Variants in RGL1 observed in about 807,000 individuals in gnomAD.
The protein encoded by RGL1 is ral guanine nucleotide dissociation stimulator like 1.
A neutral mutation model predicts 95.2 loss-of-function variants in RGL1; 24 were observed. The ratio of observed to expected loss-of-function variants is 0.25; its 90% CI spans 0.18 to 0.35. The LOEUF (loss-of-function observed/expected upper bound fraction) is 0.35, where lower values mean the gene tolerates loss of function less well. Among genes scored for constraint, RGL1 ranks in the 10% least tolerant of loss-of-function variants. RGL1 has a pLI of 1.00. For missense variants in RGL1, 715 were observed against 936.3 expected, an observed-to-expected ratio of 0.76 and a Z score of 3.08; for synonymous variants, 329 against 344.9, an observed-to-expected ratio of 0.95 and a Z score of 0.51.
intron 3 of RGL1, among the ~76,000 whole-genome samples, chr1:183,861,734 T>G (rs1234357202): frequency 6.6e-6 from 1 of 152,224 alleles, no homozygotes; most frequent in East Asian, 1.9e-4. Flanking sequence ...GCTTTGATCT[T>G]AAATCCTAGG....
rs990436453 is a variant in RGL1 at position 183,805,454 on chromosome 1, C to T, written c.27+130C>T. The T allele has an allele frequency of 1.5e-5, 12 of 798,342 alleles. No individual in the cohort carries two copies. The African/African-American group carries it at 2.1e-4, about 14-fold the overall frequency. The allele number at this position is 798,342 out of a possible 1,614,324, so 49.5% of individuals were successfully genotyped here. On this transcript the variant is annotated intron_variant, in intron 1 of 17. Coordinates refer to ENST00000360851, the MANE Select transcript of RGL1 (RefSeq NM_001297671.3). ...GATTCCATACTTGTGAGCTAAAGCT[C>T]TCTCACTCCGCTTTGTATTCCTCTC... is the stretch of plus-strand genomic sequence containing the variant.
At chr1:183,830,235 T>A (rs926434171) in intron 2 of RGL1, among the ~76,000 whole-genome samples, 4 of 152,164 alleles carry the variant, frequency 2.6e-5, no homozygotes, top group African/African-American at 9.7e-5. Flanking sequence ...TTTATTTCAG[T>A]GATAAAAACT....
At chr1:183,650,436 G>A (rs558125220) in intron 1 of RGL1, among the ~76,000 whole-genome samples, 155 of 152,088 alleles carry the variant, frequency 1.0e-3, no homozygotes, top group African/African-American at 3.5e-3. Context: ...CCAGTTACTC[G>A]GGAGGCTGAG....
intron 2 of RGL1, among the ~76,000 whole-genome samples, chr1:183,788,839 G>A (rs1408731456): frequency 1.3e-5 from 2 of 152,056 alleles, no homozygotes; most frequent in Non-Finnish European, 2.9e-5. Flanking sequence ...GAACTAGGGG[G>A]GCACGTCCAG....
intron 2 of RGL1, among the ~76,000 whole-genome samples, chr1:183,817,803 G>C (rs1662188425): frequency 6.6e-6 from 1 of 152,186 alleles, no homozygotes; most frequent in African/African-American, 2.4e-5. Context: ...ACTGACTCAA[G>C]GCATGCGTGT....
intron 3 of RGL1, among the ~76,000 whole-genome samples, chr1:183,860,503 A>G (rs1665447803): frequency 6.6e-6 from 1 of 152,110 alleles, no homozygotes; most frequent in Non-Finnish European, 1.5e-5. Context: ...AATGTTTCTT[A>G]GAAACATCCT....
intron 1 of RGL1, among the ~76,000 whole-genome samples, chr1:183,639,271 A>G (rs1649751533): frequency 6.7e-6 from 1 of 149,906 alleles, no homozygotes; most frequent in Admixed American, 6.6e-5. Context: ...ACAGAGCAAG[A>G]CACTTCATCT....
intron 2 of RGL1, among the ~76,000 whole-genome samples, chr1:183,811,788 A>G (rs934063125): frequency 3.3e-5 from 5 of 152,230 alleles, no homozygotes; most frequent in Non-Finnish European, 4.4e-5. Context: ...TGAGTTCAAA[A>G]TACATGTCAA....
intron 1 of RGL1, among the ~76,000 whole-genome samples, chr1:183,645,748 C>G (rs571441820): frequency 5.9e-5 from 9 of 152,376 alleles, no homozygotes; most frequent in African/African-American, 1.9e-4. Flanking sequence ...TAAAGATGAA[C>G]TAGCCCACAT....
chr1:183,657,361 A>G (rs1651246487), intron 1 of RGL1, among the ~76,000 whole-genome samples: 1 of 152,190 alleles, frequency 6.6e-6, no homozygotes, highest in Non-Finnish European at 1.5e-5. Context: ...ACATATGTAT[A>G]CATGTGCCAT....
chr1:183,684,452 G>A (rs1653432535), intron 1 of RGL1, among the ~76,000 whole-genome samples: 3 of 152,068 alleles, frequency 2.0e-5, no homozygotes, highest in Admixed American at 2.0e-4. Context: ...CCAAGCTCGA[G>A]CGTCCCAGGT....
intron 1 of RGL1, among the ~76,000 whole-genome samples, chr1:183,641,557 C>CAT (rs1558128105): frequency 2.6e-5 from 4 of 152,082 alleles, no homozygotes; most frequent in Non-Finnish European, 5.9e-5. Flanking sequence ...GGCATGAGCC[C>CAT]CCCCCACCAT....
At chr1:183,875,472 C>T (rs529241972) in intron 4 of RGL1, among the ~76,000 whole-genome samples, 7 of 152,276 alleles carry the variant, frequency 4.6e-5, no homozygotes, top group African/African-American at 1.4e-4. Flanking sequence ...GCCTGAAGAT[C>T]GTGGGGTGGC....
At chr1:183,771,800 T>C (rs565687639) in intron 2 of RGL1, among the ~76,000 whole-genome samples, 1 of 152,270 alleles carries the variant, frequency 6.6e-6, no homozygotes, top group East Asian at 1.9e-4. Flanking sequence ...AACACCACCC[T>C]GGCCTGCCAT....
chr1:183,907,054 C>T lies in RGL1; in HGVS notation c.1515C>T (p.Ser505=). The part of the protein sequence containing the change: ...SCEIEAAADA[S]TTSPKPRKSM... Reference sequence around the variant, plus strand: ...AGATTGAAGCAGCTGCTGACGCCAGCACCACCTCGCCCAAGCCTCGGAAGA... The same window carrying T: ...AGATTGAAGCAGCTGCTGACGCCAGTACCACCTCGCCCAAGCCTCGGAAGA... Residue 505 remains serine, a synonymous_variant, in exon 14 of 18, where the codon AGC becomes AGT. Coordinates refer to ENST00000360851, the MANE Select transcript of RGL1 (RefSeq NM_001297671.3). 6.2e-7 allele frequency: 1 copy of T among 1,612,424 alleles called. No individual in the cohort carries two copies. Among genetic ancestry groups the T allele is most frequent in the South Asian group, 1.1e-5 (1 of 90,818 alleles).
intron 1 of RGL1, among the ~76,000 whole-genome samples, chr1:183,718,172 G>A (rs1237443342): frequency 1.3e-5 from 2 of 151,390 alleles, no homozygotes; most frequent in African/African-American, 4.9e-5. Flanking sequence ...CTTGAACCTG[G>A]AAGGTGAAGG....
At chr1:183,648,225 A>G (rs763912386) in intron 1 of RGL1, 4 of 1,614,232 alleles carry the variant, frequency 2.5e-6, no homozygotes, top group Non-Finnish European at 3.4e-6. Flanking sequence ...TATTGGACTC[A>G]AAACAACCCG....
chr1:183,875,534 A>T (rs541756939), intron 4 of RGL1, among the ~76,000 whole-genome samples: 2 of 152,170 alleles, frequency 1.3e-5, no homozygotes, highest in South Asian at 4.1e-4. Context: ...GCATCTGTCT[A>T]ATGTCTTCTA....
chr1:183,872,166 A>G (rs969483807), intron 4 of RGL1, among the ~76,000 whole-genome samples: 2 of 152,184 alleles, frequency 1.3e-5, no homozygotes, highest in Non-Finnish European at 2.9e-5. Context: ...TCTGAACCAG[A>G]TGGAAAAAGT....
Sources: gnomAD v4.1 joint callset for allele counts (sites outside exome capture counted in the v4.1 genomes callset) on GRCh38, gnomAD v4.1.1 for gene constraint, MANE v1.5 for transcripts, NCBI Gene and HGNC (gene_info 2026-07-23, HGNC 2026-07-21) for gene names.